DPP6: variants seen among roughly 807,000 people sequenced by gnomAD.
The protein encoded by DPP6 is dipeptidyl peptidase like 6, also known as A-type potassium channel modulatory protein DPP6.
DPP6 carries 69 observed loss-of-function variants against 122.6 expected under a neutral mutation model. That is an observed-to-expected ratio of 0.56 (90% CI 0.46 to 0.69). The LOEUF (loss-of-function observed/expected upper bound fraction) is 0.69, where lower values mean the gene tolerates loss of function less well. Ranked by LOEUF, DPP6 falls within the 30% of genes least tolerant of loss-of-function variation. The pLI is 0.00. For missense variants in DPP6, 928 were observed against 1,116.9 expected (o/e 0.83, Z 2.41); for synonymous variants, 418 against 433.1 (o/e 0.97, Z 0.43).
chr7:154,110,059 G>T (rs1440561497), intron 1 of DPP6, among the ~76,000 whole-genome samples: 2 of 147,438 alleles, frequency 1.4e-5, no homozygotes, highest in Non-Finnish European at 3.0e-5. Flanking sequence ...TAGAAGTGTG[G>T]GCAGTCACAC....
intron 1 of DPP6, among the ~76,000 whole-genome samples, chr7:153,960,811 G>C (rs1271892442): frequency 6.7e-6 from 1 of 148,976 alleles, no homozygotes; most frequent in African/African-American, 2.5e-5. Flanking sequence ...TGTGTCACTG[G>C]GTGATCTAGG....
At chr7:154,785,226 A>G (rs1034449334) in intron 10 of DPP6, among the ~76,000 whole-genome samples, 3 of 152,242 alleles carry the variant, frequency 2.0e-5, no homozygotes, top group Admixed American at 2.0e-4. Context: ...GGAAGAGTCT[A>G]TAGTGAAAAA....
intron 1 of DPP6, among the ~76,000 whole-genome samples, chr7:154,076,894 T>C (rs1803594981): frequency 6.6e-6 from 1 of 151,568 alleles, no homozygotes; most frequent in South Asian, 2.1e-4. Context: ...AATAGGTCTC[T>C]AGAGAAGTTG....
chr7:153,856,571 A>G, the DPP6 span, among the ~76,000 whole-genome samples: 1 of 152,236 alleles, frequency 6.6e-6, no homozygotes. Flanking sequence ...AAACATAACC[A>G]TAAGTTAAGA....
At position 154,627,189 on chromosome 7, in the gene DPP6, CTTTTTTTTTTTT is replaced by C. The variant is rs61163075; in HGVS notation, c.628-10623_628-10612del. ...CACCACGCCTGGCTAATTTTTTTTCCTTTTTTTTTTTTTTTTTTTTGAGATGGAGTCTCGCTC... is the reference window on the plus strand; with the variant it reads ...CACCACGCCTGGCTAATTTTTTTTCCTTTTTTTTGAGATGGAGTCTCGCTC... On this transcript the variant is annotated intron_variant, in intron 5 of 25. Coordinates refer to ENST00000377770, the MANE Select transcript of DPP6 (RefSeq NM_130797.4). Among the ~76,000 whole-genome samples the C allele has an allele frequency of 3.9e-5, 4 of 103,432 alleles. No homozygotes were observed. In the South Asian group the frequency reaches 1.4e-3, roughly 36 times the overall value. 67.9% of individuals were successfully genotyped at this position (103,432 alleles called of 152,430 possible).
At chr7:154,022,885 C>T (rs527379105) in intron 1 of DPP6, among the ~76,000 whole-genome samples, 35 of 152,280 alleles carry the variant, frequency 2.3e-4, no homozygotes, top group African/African-American at 6.7e-4. Context: ...CATCAAAGAG[C>T]GGGGAGAACC....
the DPP6 span, among the ~76,000 whole-genome samples, chr7:153,833,401 TG>T: frequency 6.6e-6 from 1 of 152,180 alleles, no homozygotes; most frequent in Non-Finnish European, 1.5e-5. Context: ...CAGCCGGGCA[TG>T]GTGGCCCACA....
intron 1 of DPP6, among the ~76,000 whole-genome samples, chr7:154,327,276 G>C (rs1808526231): frequency 6.6e-6 from 1 of 152,186 alleles, no homozygotes; most frequent in South Asian, 2.1e-4. Flanking sequence ...GTGCTTTGTA[G>C]GTAGGAGGAC....
chr7:154,814,376 G>T (rs1799284109), intron 16 of DPP6, among the ~76,000 whole-genome samples: 1 of 152,090 alleles, frequency 6.6e-6, no homozygotes, highest in Non-Finnish European at 1.5e-5. Flanking sequence ...TCAGGGCAGG[G>T]TTGATTTTCA....
At chr7:154,002,214 A>G (rs893631495) in intron 1 of DPP6, among the ~76,000 whole-genome samples, 4 of 151,924 alleles carry the variant, frequency 2.6e-5, no homozygotes, top group African/African-American at 4.8e-5. Flanking sequence ...CAGTCTTTTC[A>G]TGTCATGCGT....
intron 3 of DPP6, among the ~76,000 whole-genome samples, chr7:154,489,741 A>G (rs1052538953): frequency 6.6e-6 from 1 of 152,132 alleles, no homozygotes; most frequent in African/African-American, 2.4e-5. Context: ...CCAGAAAAAA[A>G]AACAGGTGAT....
rs185993610 is a variant in DPP6, at chr7:153,985,116, G to T, written c.51+97382G>T. Among the ~76,000 whole-genome samples the T allele has an allele frequency of 4.2e-3, 634 of 152,314 alleles. 3 individuals carry two copies. The highest frequency in any genetic ancestry group is 0.015 in the African/African-American group (606 of 41,556). On this transcript the variant is annotated intron_variant, in intron 1 of 25. Transcript: ENST00000404039. ...TGCTGACTGAGTACTGTACCTATTT[G>T]CCCATGTGATGTGTCTTTCTATTTT...
At chr7:153,772,407 T>A in the DPP6 span, among the ~76,000 whole-genome samples, 1 of 152,064 alleles carries the variant, frequency 6.6e-6, no homozygotes, top group Non-Finnish European at 1.5e-5. Context: ...TATTTAAAGT[T>A]AGATGTTGAT....
At chr7:154,687,246 T>A (rs552505256) in intron 7 of DPP6, among the ~76,000 whole-genome samples, 2 of 152,350 alleles carry the variant, frequency 1.3e-5, no homozygotes, top group East Asian at 3.9e-4. Flanking sequence ...GCATTAGCTG[T>A]AATTGAGTCT....
rs1186922264 is a variant in DPP6 at position 153,971,483 on chromosome 7, A to T, written c.51+83749A>T. ...AAAATGATGACTAGAAGTGTGAGAGATTAAATCTCTGCCTGGGTTCTAGAT... is the reference window on the plus strand; with the variant it reads ...AAAATGATGACTAGAAGTGTGAGAGTTTAAATCTCTGCCTGGGTTCTAGAT... On this transcript the variant is annotated intron_variant, in intron 1 of 25. Transcript: ENST00000404039. Among the ~76,000 whole-genome samples, 7 of 145,176 alleles carry T rather than the reference A, an allele frequency of 4.8e-5. 1 individual carries two copies. Among genetic ancestry groups the T allele is most frequent in the Admixed American group, 7.1e-5 (1 of 14,070 alleles).
intron 1 of DPP6, among the ~76,000 whole-genome samples, chr7:154,207,538 G>A (rs796588099): frequency 2.0e-5 from 3 of 152,182 alleles, no homozygotes; most frequent in African/African-American, 7.2e-5. Context: ...AAGACCAGAG[G>A]CATTGTCTGC....
At chr7:153,833,509 A>G in the DPP6 span, among the ~76,000 whole-genome samples, 1 of 152,120 alleles carries the variant, frequency 6.6e-6, no homozygotes, top group Non-Finnish European at 1.5e-5. Context: ...CCCCGTCTCT[A>G]CTAAAAACAC....
intron 1 of DPP6, among the ~76,000 whole-genome samples, chr7:153,964,736 T>C (rs981969204): frequency 1.4e-4 from 22 of 151,880 alleles, no homozygotes; most frequent in Non-Finnish European, 2.9e-5. Flanking sequence ...GCAGGTTGCA[T>C]GAGAGCTGGC....
chr7:153,903,420 T>G (rs1799721672), intron 1 of DPP6, among the ~76,000 whole-genome samples: 1 of 152,198 alleles, frequency 6.6e-6, no homozygotes, highest in African/African-American at 2.4e-5. Flanking sequence ...CTGACAACCC[T>G]GGATGAAGGT....
Sources: gnomAD v4.1 joint callset for allele counts (sites outside exome capture counted in the v4.1 genomes callset) on GRCh38, gnomAD v4.1.1 for gene constraint, MANE v1.5 for transcripts, NCBI Gene and HGNC (gene_info 2026-07-23, HGNC 2026-07-21) for gene names.